KCP: variants seen among roughly 807,000 people sequenced by gnomAD.
KCP encodes kielin cysteine rich BMP regulator.
A neutral mutation model predicts 212.7 loss-of-function variants in KCP; 194 were observed. The observed-to-expected ratio is 0.91, with a 90% CI of 0.81 to 1.03. The LOEUF is 1.03. Among genes scored for constraint, KCP ranks in the 50% least tolerant of loss-of-function variants. The pLI, the probability that KCP is intolerant of heterozygous loss-of-function variation, is 0.00. For missense variants in KCP, 2,080 were observed against 2,162.5 expected (o/e 0.96, Z 0.76); for synonymous variants, 833 against 865.3 (o/e 0.96, Z 0.65).
intron 1 of KCP, among the ~76,000 whole-genome samples, chr7:128,909,874 T>TCACCCGGAATGG (rs1795338581): frequency 6.6e-6 from 1 of 152,164 alleles, no homozygotes. Flanking sequence ...GGGGATCCTG[T>TCACCCGGAATGG]CACCCGGAAT....
At chr7:128,909,157 C>T (rs372565819) in intron 1 of KCP, among the ~76,000 whole-genome samples, 124 of 152,324 alleles carry the variant, frequency 8.1e-4, no homozygotes, top group East Asian at 4.2e-3. Context: ...GGGTTAGGGG[C>T]GGCCACTTTC....
At position 128,891,777 on chromosome 7, in the gene KCP, A is replaced by G. The variant is rs1585223535; in HGVS notation, c.1664T>C (p.Phe555Ser). 6.9e-7 allele frequency: 1 copy of G among 1,447,694 alleles called. No individual in the cohort carries two copies. The highest frequency in any genetic ancestry group is 2.9e-5 in the Admixed American group (1 of 34,118). The allele number at this position is 1,447,694 out of a possible 1,614,324, so 89.7% of individuals were successfully genotyped here. The change falls in exon 17 of 40, where the codon TTC (phenylalanine) becomes TCC (serine). Residue 555 changes from phenylalanine (F) to serine (S), a missense_variant. Transcript: ENST00000610776. Reference sequence around the variant, plus strand: ...CTGGCAGGGGTCTCGGGGGTGGGAGAAGCTCTCGCCGTCCACAAACACCTC... The same window carrying G: ...CTGGCAGGGGTCTCGGGGGTGGGAGGAGCTCTCGCCGTCCACAAACACCTC... ...EEEVFVDGES[F>S]SHPRDPCQEC...
In KCP at chr7:128,907,125, A is replaced by C. The variant is rs758110076; in HGVS notation, c.462T>G (p.Asp154Glu). 140 of 1,551,394 alleles carry C rather than the reference A, an allele frequency of 9.0e-5. No individual in the cohort carries two copies. Among genetic ancestry groups the C allele is most frequent in the Non-Finnish European group, 1.2e-4 (134 of 1,146,932 alleles). ...TYGNGETFSP[D>E]ACTTCRCLEG... Reference sequence around the variant, plus strand: ...CCAGACAGCGGCAGGTGGTGCAGGCATCTGGGGAGAAGGTCTCCCCGTTGC... The same window carrying C: ...CCAGACAGCGGCAGGTGGTGCAGGCCTCTGGGGAGAAGGTCTCCCCGTTGC... The change falls in exon 4 of 40, where the codon GAT (aspartate) becomes GAG (glutamate). Residue 154 changes from aspartate (D) to glutamate (E), a missense_variant. Asp to Glu is a conservative substitution (Grantham distance 45, BLOSUM62 2). Coordinates refer to ENST00000610776, the MANE Select transcript of KCP (RefSeq NM_001366122.1).
At position 128,880,383 on chromosome 7, in the gene KCP, C is replaced by T. The variant is rs1307329402; in HGVS notation, c.3759+3G>A. The T allele has an allele frequency of 1.3e-6, 2 of 1,523,112 alleles. No homozygotes were observed. Among genetic ancestry groups the T allele is most frequent in the East Asian group, 2.5e-5 (1 of 40,512 alleles). The allele number at this position is 1,523,112 out of a possible 1,614,324, so 94.3% of individuals were successfully genotyped here. The stretch of plus-strand genomic sequence containing the variant: ...CCCCACCATTTTAGATTGCGGCACT[C>T]ACGGGGCCACACGAGAGCGGTGAGC... On this transcript the variant is annotated splice_donor_region_variant and intron_variant, in intron 34 of 39. Coordinates refer to ENST00000610776, the MANE Select transcript of KCP (RefSeq NM_001366122.1).
In KCP at chr7:128,891,060, G is replaced by A; in HGVS notation, c.2009C>T (p.Ala670Val). 2 of 1,404,486 alleles carry A rather than the reference G, an allele frequency of 1.4e-6. No homozygotes were observed. Among genetic ancestry groups the A allele is most frequent in the East Asian group, 2.9e-5 (1 of 34,676 alleles). 87.0% of individuals were successfully genotyped at this position (1,404,486 alleles called of 1,614,324 possible). The change falls in exon 20 of 40, where the codon GCG (alanine) becomes GTG (valine). Residue 670 changes from alanine to valine, a missense_variant. Coordinates refer to ENST00000610776, the MANE Select transcript of KCP (RefSeq NM_001366122.1). ...GTACTCCTGGTGGCGGGCGTGGGCC[G>A]CGCCGGGCCGTGGGCAGCCGGCGGG... is the stretch of plus-strand genomic sequence containing the variant. ...PAPAGCPRPG[A>V]AHARHQEYFS... is the part of the protein sequence containing the mutation.
intron 8 of KCP, among the ~76,000 whole-genome samples, 166 bp downstream of exon 8, chr7:128,902,611 G>A (rs935926837): frequency 1.3e-5 from 2 of 152,194 alleles, no homozygotes; most frequent in Non-Finnish European, 2.9e-5. Flanking sequence ...ACGCAGATGA[G>A]CTCTGCCCAG....
At chr7:128,882,065 C>A in intron 29 of KCP, 49 bp from the exon 30 acceptor site, 1 of 1,417,838 alleles carries the variant, frequency 7.1e-7, no homozygotes, top group Non-Finnish European at 9.7e-7. Flanking sequence ...GGGCACAGGG[C>A]TGGAAATCCC....
At chr7:128,880,827 TA>T (rs2128944442) in intron 32 of KCP, 106 bp from the exon 33 acceptor site, 1 of 402,488 alleles carries the variant, frequency 2.5e-6, no homozygotes, top group Admixed American at 4.3e-5. Context: ...CCTCCCACAA[TA>T]CATTCTTCAC....
rs1793040046 is a variant in KCP at position 128,877,214 on chromosome 7, C to T, written c.4716G>A (p.Leu1572=). The T allele has an allele frequency of 1.4e-6, 2 of 1,477,116 alleles. No individual in the cohort carries two copies. The highest frequency in any genetic ancestry group is 1.9e-4 in the Middle Eastern group (1 of 5,222). The allele number at this position is 1,477,116 out of a possible 1,614,324, so 91.5% of individuals were successfully genotyped here. ...CFNQHIPLGE[L]AAHCVRPCVP... ...CGCAGGGCCTCACGCAGTGGGCTGC[C>T]AGCTCCCCCAGGGGGATATGCTGAT... The change falls in exon 40 of 40, where the codon CTG becomes CTA. Residue 1572 remains leucine, a synonymous_variant. Coordinates refer to ENST00000610776, the MANE Select transcript of KCP (RefSeq NM_001366122.1).
In KCP at chr7:128,891,166, CG is replaced by C; in HGVS notation, c.1972+18del. On this transcript the variant is annotated intron_variant, in intron 19 of 39. Transcript: ENST00000610776. ...GAGGGGACCCCCAGGGAGGAGCAGC[CG>C]AGGGGTGCGGCCCCTACCTGGGCAC... The C allele has an allele frequency of 6.5e-7, 1 of 1,540,796 alleles. No individual in the cohort carries two copies. The highest frequency in any genetic ancestry group is 8.7e-7 in the Non-Finnish European group (1 of 1,145,880).
chr7:128,892,742 G>A lies in KCP; in HGVS notation c.1473C>T (p.Ala491=). 1 of 1,551,764 alleles carries A rather than the reference G, an allele frequency of 6.4e-7. No homozygotes were observed. Among genetic ancestry groups the A allele is most frequent in the South Asian group, 1.2e-5 (1 of 84,068 alleles). The change falls in exon 15 of 40, where the codon GCC becomes GCT. Residue 491 remains alanine, a synonymous_variant. Coordinates refer to ENST00000610776, the MANE Select transcript of KCP (RefSeq NM_001366122.1). ...CTGCATCCGTGAAGTTCTGCCCATT[G>A]GCATACACTTGGCTGTGGTAGGTGC... ...DSCTYHSQVY[A]NGQNFTDADS... is the part of the protein sequence containing the mutation.
chr7:128,886,535 C>A lies in KCP; in HGVS notation c.2795G>T (p.Arg932Leu). The A allele has an allele frequency of 6.4e-7, 1 of 1,551,078 alleles. No individual in the cohort carries two copies. Among genetic ancestry groups the A allele is most frequent in the South Asian group, 1.2e-5 (1 of 84,058 alleles). ...RCQAGQVSCVRLQCPPLPCKL... is the reference protein window; with the variant it reads ...RCQAGQVSCVLLQCPPLPCKL... The stretch of plus-strand genomic sequence containing the variant: ...GCAGGGAAGGGGTGGGCACTGCAGC[C>A]GCACACAGCTGACCTGGCCAGCCTG... Residue 932 changes from arginine to leucine, a missense_variant, in exon 26 of 40, where the codon CGG becomes CTG. Arg to Leu is a moderately radical substitution (Grantham distance 102, BLOSUM62 -2). Transcript: ENST00000610776.
Position 128,892,900 on chromosome 7 carries a change from T to TG in KCP, c.1388dup (p.Ala464SerfsTer18), listed in dbSNP as rs944525353. On this transcript the variant is annotated frameshift_variant, in exon 14 of 40. Coordinates refer to ENST00000610776, the MANE Select transcript of KCP (RefSeq NM_001366122.1). LOFTEE classifies it high-confidence loss of function. ...GCTGGGTGGGGTGCTGGCAGGGGGC[T>TG]GGGGGGCAGAGCACAGCCCCGCACT... 3.9e-6 allele frequency: 6 copies of TG among 1,543,104 alleles called. No individual in the cohort carries two copies. In the African/African-American group the frequency reaches 4.1e-5, roughly 11 times the overall value.
At position 128,884,084 on chromosome 7, in the gene KCP, C is replaced by T; in HGVS notation, c.3162G>A (p.Arg1054=). The T allele has an allele frequency of 6.5e-7, 1 of 1,545,160 alleles. No homozygotes were observed. Among genetic ancestry groups the T allele is most frequent in the Non-Finnish European group, 8.7e-7 (1 of 1,145,386 alleles). ...AGCCCACCAGGCTGGGACACTGCCG[C>T]CGGTGACAGCGAAGGCTGGGAGGCC... is the stretch of plus-strand genomic sequence containing the variant. The part of the protein sequence containing the change: ...PEGPPSLRCH[R]RQCPSLVGCP... Residue 1054 remains arginine, a synonymous_variant, in exon 29 of 40, where the codon CGG becomes CGA. Transcript: ENST00000610776.
At chr7:128,884,695 A>G in intron 28 of KCP, 86 bp downstream of exon 28, 1 of 1,254,594 alleles carries the variant, frequency 8.0e-7, no homozygotes, top group Non-Finnish European at 1.1e-6. Flanking sequence ...TGCTCCATGC[A>G]GTGACCAGCT....
At chr7:128,902,730 C>T (rs1190099224) in intron 8 of KCP, 47 bp downstream of exon 8, 15 of 1,481,190 alleles carry the variant, frequency 1.0e-5, no homozygotes, top group Non-Finnish European at 1.4e-5. Flanking sequence ...ATACAGTGGG[C>T]CTGAGGGCAG....
chr7:128,886,489 C>A lies in KCP; in HGVS notation c.2841G>T (p.Arg947=). Residue 947 remains arginine, a synonymous_variant, in exon 26 of 40, where the codon CGG becomes CGT. Coordinates refer to ENST00000610776, the MANE Select transcript of KCP (RefSeq NM_001366122.1). ...CTCTGCAGCGAGGGCAGCAGCTCCC[C>A]CGCTCGGTGACCTGGAGCTTGCAGG... ...PLPCKLQVTE[R]GSCCPRCRGC... 6.5e-7 allele frequency: 1 copy of A among 1,550,244 alleles called. No homozygotes were observed. The highest frequency in any genetic ancestry group is 1.7e-4 in the Middle Eastern group (1 of 5,786).
intron 3 of KCP, 27 bp from the exon 4 acceptor site, chr7:128,907,204 C>G (rs1795166638): frequency 1.3e-6 from 2 of 1,546,252 alleles, no homozygotes; most frequent in African/African-American, 2.7e-5. Context: ...GTCACTCAAG[C>G]ACCCCATGCC....
chr7:128,888,760 G>T (rs969225284), intron 22 of KCP, 103 bp downstream of exon 22: 3 of 1,123,318 alleles, frequency 2.7e-6, no homozygotes, highest in Non-Finnish European at 3.8e-6. Context: ...GAAAAGTATG[G>T]TGGAGCGGCA....
Sources: gnomAD v4.1 joint callset for allele counts (sites outside exome capture counted in the v4.1 genomes callset) on GRCh38, gnomAD v4.1.1 for gene constraint, MANE v1.5 for transcripts, NCBI Gene and HGNC (gene_info 2026-07-23, HGNC 2026-07-21) for gene names.